Variants in PPP6R3 observed in about 807,000 individuals in gnomAD.
The protein encoded by PPP6R3 is protein phosphatase 6 regulatory subunit 3, also known as serine/threonine-protein phosphatase 6 regulatory subunit 3.
A neutral mutation model predicts 110.7 loss-of-function variants in PPP6R3; 38 were observed. The ratio of observed to expected loss-of-function variants is 0.34; its 90% CI spans 0.26 to 0.45. PPP6R3 has a LOEUF of 0.45. Ranked by LOEUF, PPP6R3 falls within the 20% of genes least tolerant of loss-of-function variation. The probability of loss-of-function intolerance (pLI) is 1.00; values close to 1 mark genes in which losing one functional copy is unlikely to be tolerated. For synonymous variants in PPP6R3, 369 were observed against 373.5 expected, an observed-to-expected ratio of 0.99 and a Z score of 0.14; for missense variants, 870 against 1,062.4, an observed-to-expected ratio of 0.82 and a Z score of 2.52.
In PPP6R3 at chr11:68,590,663, T is replaced by G; in HGVS notation, c.1734T>G (p.Val578=). 6.3e-7 allele frequency: 1 copy of G among 1,587,604 alleles called. No homozygotes were observed. Among genetic ancestry groups the G allele is most frequent in the Middle Eastern group, 1.8e-4 (1 of 5,534 alleles). The change falls in exon 17 of 24, where the codon GTT becomes GTG. Residue 578 remains valine (V), a synonymous_variant. Coordinates refer to ENST00000393800, the MANE Select transcript of PPP6R3 (RefSeq NM_001164161.2). The part of the protein sequence containing the change: ...KFADQDDIGN[V]SFDRVSDINF... Reference sequence around the variant, plus strand: ...CTTTTATTTTGTTTTTTTACAGTGTTTCTTTTGATCGAGTATCAGACATCA... The same window carrying G: ...CTTTTATTTTGTTTTTTTACAGTGTGTCTTTTGATCGAGTATCAGACATCA...
At chr11:68,598,433 G>A (rs1353734432) in intron 19 of PPP6R3, among the ~76,000 whole-genome samples, 3 of 152,172 alleles carry the variant, frequency 2.0e-5, no homozygotes, top group Non-Finnish European at 4.4e-5. Flanking sequence ...CCTGGATGAG[G>A]TTCGCGTTTA....
At chr11:68,512,258 A>AG (rs1162282233) in intron 1 of PPP6R3, among the ~76,000 whole-genome samples, 1 of 152,238 alleles carries the variant, frequency 6.6e-6, no homozygotes, top group African/African-American at 2.4e-5. Context: ...TAGAAGTTCA[A>AG]GATCAAGCTT....
chr11:68,590,874 G>A (rs761808637), intron 17 of PPP6R3, among the ~76,000 whole-genome samples, 160 bp downstream of exon 17: 6 of 152,082 alleles, frequency 3.9e-5, no homozygotes, highest in African/African-American at 1.2e-4. Flanking sequence ...CCTGGCACCC[G>A]TGGGCATGTG....
intron 18 of PPP6R3, among the ~76,000 whole-genome samples, chr11:68,593,500 A>T (rs2099601947): frequency 3.3e-5 from 5 of 152,214 alleles, no homozygotes; most frequent in Admixed American, 3.3e-4. Context: ...ATAGATTGTG[A>T]TGTTAAAGGT....
At chr11:68,485,112 TTA>T (rs2098938246) in intron 1 of PPP6R3, among the ~76,000 whole-genome samples, 1 of 152,092 alleles carries the variant, frequency 6.6e-6, no homozygotes, top group Admixed American at 6.5e-5. Context: ...ATATTTTGTT[TTA>T]TACCTAAGTA....
intron 1 of PPP6R3, among the ~76,000 whole-genome samples, chr11:68,498,163 T>A (rs530095039): frequency 3.3e-4 from 51 of 152,346 alleles, no homozygotes; most frequent in Admixed American, 4.6e-4. Flanking sequence ...AACACCTTTT[T>A]GTTATCAGTG....
chr11:68,594,274 GAGAGAGAGAGAGAGAGA>G (rs2099604892), intron 18 of PPP6R3, among the ~76,000 whole-genome samples: 1 of 145,670 alleles, frequency 6.9e-6, no homozygotes, highest in South Asian at 2.1e-4. Context: ...GGGAGAGAGA[GAGAGAGAGAGAGAGAGA>G]GGAGAGAGGA....
chr11:68,571,747 T>C lies in PPP6R3; in HGVS notation c.1343+643T>C, dbSNP rs566207853. Among the ~76,000 whole-genome samples the C allele has an allele frequency of 2.6e-5, 4 of 152,338 alleles. No homozygotes were observed. The South Asian group carries it at 8.3e-4, about 32-fold the overall frequency. On this transcript the variant is annotated intron_variant, in intron 12 of 23. Coordinates refer to ENST00000393800, the MANE Select transcript of PPP6R3 (RefSeq NM_001164161.2). ...ATAAGGGCGTGTTTGGGAAACACTC[T>C]GAAGGCATGCTTCTGTGTTTGTTTT...
chr11:68,493,630 T>TAA (rs1319776199), intron 1 of PPP6R3, among the ~76,000 whole-genome samples: 5 of 145,858 alleles, frequency 3.4e-5, no homozygotes, highest in Admixed American at 6.8e-5. Flanking sequence ...TATATATATA[T>TAA]ATATATAAAA....
chr11:68,469,808 G>A (rs528970561), intron 1 of PPP6R3, among the ~76,000 whole-genome samples: 5 of 152,094 alleles, frequency 3.3e-5, no homozygotes, highest in African/African-American at 1.2e-4. Context: ...GAAATAGAAG[G>A]TTGCCATACC....
chr11:68,475,188 C>T (rs1385093662), intron 1 of PPP6R3, among the ~76,000 whole-genome samples: 1 of 152,246 alleles, frequency 6.6e-6, no homozygotes, highest in African/African-American at 2.4e-5. Flanking sequence ...TCCATTTAAC[C>T]CTGAGTGGAC....
At chr11:68,524,712 C>T (rs556527229) in intron 2 of PPP6R3, among the ~76,000 whole-genome samples, 2 of 152,204 alleles carry the variant, frequency 1.3e-5, no homozygotes, top group Non-Finnish European at 2.9e-5. Flanking sequence ...TTTCTTGTTT[C>T]GTTGTGTCAA....
intron 1 of PPP6R3, among the ~76,000 whole-genome samples, chr11:68,465,848 G>A (rs1280343716): frequency 6.6e-6 from 1 of 152,194 alleles, no homozygotes; most frequent in Non-Finnish European, 1.5e-5. Flanking sequence ...ATTGCCAGAA[G>A]TTTTGCAAAA....
chr11:68,596,923 C>A (rs1358719383), intron 19 of PPP6R3, among the ~76,000 whole-genome samples: 1 of 152,160 alleles, frequency 6.6e-6, no homozygotes, highest in Non-Finnish European at 1.5e-5. Flanking sequence ...GTGGTGACTT[C>A]AGAGCTAGAT....
chr11:68,562,744 A>T (rs892610887), intron 8 of PPP6R3, among the ~76,000 whole-genome samples: 1 of 152,214 alleles, frequency 6.6e-6, no homozygotes, highest in Non-Finnish European at 1.5e-5. Flanking sequence ...TTTGCAGATT[A>T]TGCAAAAATT....
chr11:68,486,487 C>G (rs2098948117), intron 1 of PPP6R3, among the ~76,000 whole-genome samples: 1 of 151,822 alleles, frequency 6.6e-6, no homozygotes, highest in African/African-American at 2.4e-5. Flanking sequence ...CGCCTGTAGT[C>G]CCAGCTACTT....
chr11:68,534,087 C>T (rs568018485), intron 2 of PPP6R3, among the ~76,000 whole-genome samples: 1 of 152,250 alleles, frequency 6.6e-6, no homozygotes, highest in Admixed American at 6.5e-5. Flanking sequence ...GTTCCTGGCA[C>T]AATGGAGGAA....
At chr11:68,504,624 A>G (rs1177698662) in intron 1 of PPP6R3, among the ~76,000 whole-genome samples, 1 of 152,232 alleles carries the variant, frequency 6.6e-6, no homozygotes, top group Non-Finnish European at 1.5e-5. Flanking sequence ...GGTTTGGCTC[A>G]TTGACAAAGT....
At chr11:68,592,124 T>C (rs925266112) in intron 18 of PPP6R3, among the ~76,000 whole-genome samples, 7 of 152,160 alleles carry the variant, frequency 4.6e-5, no homozygotes, top group African/African-American at 1.7e-4. Flanking sequence ...TAGGGCCATG[T>C]CAATTAATAT....
Sources: allele counts gnomAD v4.1 joint callset (sites outside exome capture counted in the v4.1 genomes callset), GRCh38; gene constraint gnomAD v4.1.1; transcripts MANE v1.5; gene names NCBI Gene and HGNC (gene_info 2026-07-23, HGNC 2026-07-21).